Variants in PCYT1B observed in about 807,000 individuals in gnomAD.
The protein encoded by PCYT1B is phosphate cytidylyltransferase 1B, choline.
PCYT1B carries 10 observed loss-of-function variants against 26.4 expected under a neutral mutation model. That is an observed-to-expected ratio of 0.38 (90% CI 0.23 to 0.64). PCYT1B has a LOEUF of 0.64. PCYT1B is among the 30% of genes least tolerant of loss of function. The pLI, the probability that PCYT1B is intolerant of heterozygous loss-of-function variation, is 0.56. For synonymous variants in PCYT1B, 131 were observed against 108.4 expected, an observed-to-expected ratio of 1.21 and a Z score of -1.29; for missense variants, 161 against 292.7, an observed-to-expected ratio of 0.55 and a Z score of 3.28.
intron 5 of PCYT1B, among the ~76,000 whole-genome samples, chrX:24,582,009 A>C (rs1363208019): frequency 1.8e-5 from 2 of 112,434 alleles, no homozygotes; most frequent in Non-Finnish European, 3.8e-5. Flanking sequence ...GGAGGGAAGA[A>C]TCTAACACGG....
chrX:24,666,213 T>C (rs925067329), intron 1 of PCYT1B, among the ~76,000 whole-genome samples: 1 of 111,352 alleles, frequency 9.0e-6, no homozygotes, highest in Admixed American at 9.6e-5. Flanking sequence ...GGAGTTTCTC[T>C]GGGCAAGGAG....
At chrX:24,573,185 A>G (rs1011378535) in intron 7 of PCYT1B, among the ~76,000 whole-genome samples, 2 of 108,411 alleles carry the variant, frequency 1.8e-5, no homozygotes, top group African/African-American at 6.7e-5. Flanking sequence ...TATTTTTGAG[A>G]CAGAGTCTCT....
chrX:24,586,738 AT>A (rs1260395118), intron 5 of PCYT1B, among the ~76,000 whole-genome samples: 6 of 108,636 alleles, frequency 5.5e-5, no homozygotes, highest in Admixed American at 2.0e-4. Flanking sequence ...ACATTTACCC[AT>A]TTTTTTTTGC....
intron 3 of PCYT1B, among the ~76,000 whole-genome samples, chrX:24,594,882 G>A (rs769349536): frequency 9.0e-6 from 1 of 111,302 alleles, no homozygotes; most frequent in South Asian, 3.9e-4. Flanking sequence ...GAGCTTGGGA[G>A]CCCAACAGAC....
At chrX:24,650,292 T>C (rs761922003), upstream of PCYT1B, 3 of 108,669 alleles carry the variant, frequency 2.8e-5, no homozygotes, top group South Asian at 1.2e-3. Context: ...AGAGAGTTTA[T>C]TGGGGTAATG....
chrX:24,621,283 T>C (rs1272293532), intron 1 of PCYT1B, among the ~76,000 whole-genome samples: 1 of 111,327 alleles, frequency 9.0e-6, no homozygotes, highest in Non-Finnish European at 1.9e-5. Context: ...CTCAGTTTCA[T>C]CTATAAAATG....
chrX:24,569,194 T>C (rs1218301431), intron 7 of PCYT1B, among the ~76,000 whole-genome samples: 2 of 111,006 alleles, frequency 1.8e-5, no homozygotes. Flanking sequence ...ATCCACAAAC[T>C]ATATTTTGTA....
intron 3 of PCYT1B, among the ~76,000 whole-genome samples, chrX:24,603,018 G>T (rs1389053964): frequency 9.0e-6 from 1 of 111,534 alleles, no homozygotes; most frequent in Non-Finnish European, 1.9e-5. Context: ...TGGCCAGGCT[G>T]GTTTAGAACT....
chrX:24,659,700 A>C (rs1036514632), intron 1 of PCYT1B, among the ~76,000 whole-genome samples: 3 of 111,649 alleles, frequency 2.7e-5, no homozygotes, highest in African/African-American at 9.8e-5. Context: ...TTTGTGTTCC[A>C]TCATCCCATG....
intron 1 of PCYT1B, among the ~76,000 whole-genome samples, chrX:24,653,207 C>G (rs1926821687): frequency 8.9e-6 from 1 of 111,829 alleles, no homozygotes; most frequent in Non-Finnish European, 1.9e-5. Context: ...TTTGCGCCAA[C>G]CTAATAAAGT....
At position 24,562,414 on chromosome X, in the gene PCYT1B, G is replaced by A. The variant is rs1484205626; in HGVS notation, c.989C>T (p.Pro330Leu). ...GAAGGTGGGCGATGGGGAGCGGGAA[G>A]GGGACCGGCTCCGGGTTGGGCTGCT... ...PVSSPTRSRSPSRSPSPTFSW... is the reference protein window; with the variant it reads ...PVSSPTRSRSLSRSPSPTFSW... Residue 330 changes from proline (P) to leucine (L), a missense_variant, in exon 8 of 8, where the codon CCT becomes CTT. This residue lies in a region of PCYT1B where 38 missense variants were observed against 55.9 expected (regional missense o/e 0.68). Coordinates refer to ENST00000379144, the MANE Select transcript of PCYT1B (RefSeq NM_004845.5). 4.2e-6 allele frequency: 5 copies of A among 1,192,331 alleles called. No homozygotes were observed. The highest frequency in any genetic ancestry group is 5.6e-6 in the Non-Finnish European group (5 of 886,597).
At chrX:24,629,416 G>C (rs187195615) in intron 1 of PCYT1B, among the ~76,000 whole-genome samples, 3 of 107,149 alleles carry the variant, frequency 2.8e-5, no homozygotes, top group African/African-American at 1.0e-4. Flanking sequence ...AAATTAGCTA[G>C]GCATGGTGGT....
intron 7 of PCYT1B, among the ~76,000 whole-genome samples, chrX:24,563,360 T>C (rs1488430938): frequency 9.2e-6 from 1 of 108,995 alleles, no homozygotes; most frequent in African/African-American, 3.4e-5. Context: ...CTGGAAGAGA[T>C]AAGGGGAGGG....
intron 7 of PCYT1B, among the ~76,000 whole-genome samples, chrX:24,566,533 C>G (rs1047502263): frequency 1.8e-5 from 2 of 111,483 alleles, no homozygotes. Context: ...GATGAGACTG[C>G]GAGTGATTTT....
intron 7 of PCYT1B, among the ~76,000 whole-genome samples, chrX:24,564,377 G>GTTT (rs145582123): frequency 9.7e-6 from 1 of 103,300 alleles, no homozygotes; most frequent in Non-Finnish European, 2.0e-5. Context: ...TTTGTTTTTT[G>GTTT]TTTTTTTTTG....
chrX:24,644,031 C>T (rs1001346372), intron 1 of PCYT1B, among the ~76,000 whole-genome samples: 3 of 112,151 alleles, frequency 2.7e-5, no homozygotes, highest in African/African-American at 9.7e-5. Context: ...TATGAAGACA[C>T]TAGCAAAGCT....
intron 1 of PCYT1B, among the ~76,000 whole-genome samples, chrX:24,625,462 A>G (rs1157103864): frequency 9.0e-6 from 1 of 110,661 alleles, no homozygotes; most frequent in Non-Finnish European, 1.9e-5. Context: ...GTCACTGATT[A>G]TGTAGACTCT....
intron 7 of PCYT1B, among the ~76,000 whole-genome samples, chrX:24,570,289 T>C (rs1261890180): frequency 1.8e-5 from 2 of 109,561 alleles, no homozygotes; most frequent in Non-Finnish European, 3.8e-5. Flanking sequence ...GTTTCACTCT[T>C]GTTCCCCAGG....
At chrX:24,634,369 C>T (rs1242646831) in intron 1 of PCYT1B, among the ~76,000 whole-genome samples, 1 of 112,348 alleles carries the variant, frequency 8.9e-6, no homozygotes, top group African/African-American at 3.2e-5. Context: ...TACTGCAGTT[C>T]ACCTGAGCCT....
Sources: allele counts gnomAD v4.1 joint callset (sites outside exome capture counted in the v4.1 genomes callset), GRCh38; gene constraint gnomAD v4.1.1; regional missense constraint gnomAD v4.1.1; transcripts MANE v1.5; gene names NCBI Gene and HGNC (gene_info 2026-07-23, HGNC 2026-07-21).